The following BET1 variants were observed in gnomAD, a reference collection of about 807,000 sequenced individuals.
BET1 encodes Bet1 golgi vesicular membrane trafficking protein.
Under a neutral mutation model 13.9 loss-of-function variants are expected in BET1, and 9 were observed. That is an observed-to-expected ratio of 0.65 (90% CI 0.39 to 1.13). The LOEUF (loss-of-function observed/expected upper bound fraction) is 1.13. BET1 is among the 50% of genes most tolerant of loss of function. The pLI is 0.01. For synonymous variants in BET1, 39 were observed against 47.3 expected, an observed-to-expected ratio of 0.82 and a Z score of 0.72; for missense variants, 127 against 133.6, an observed-to-expected ratio of 0.95 and a Z score of 0.24.
chr7:93,994,687 A>T (rs1312686173), intron 3 of BET1, among the ~76,000 whole-genome samples: 1 of 152,240 alleles, frequency 6.6e-6, no homozygotes, highest in Admixed American at 6.5e-5. Context: ...GATAAAAAAA[A>T]TTAACAATAA....
intron 1 of BET1, among the ~76,000 whole-genome samples, chr7:94,001,634 C>T (rs1450239538): frequency 2.0e-5 from 3 of 152,200 alleles, no homozygotes; most frequent in African/African-American, 7.2e-5. Flanking sequence ...TTTTTCCGCT[C>T]AGTCAAATAT....
chr7:94,004,139 C>A, intron 1 of BET1, 59 bp downstream of exon 1: 1 of 1,613,196 alleles, frequency 6.2e-7, no homozygotes, highest in Non-Finnish European at 8.5e-7. Flanking sequence ...GATTTCCTCC[C>A]GCGCCCCAGC....
intron 5 of BET1, among the ~76,000 whole-genome samples, chr7:93,975,110 C>T (rs2116046280): frequency 6.6e-6 from 1 of 152,022 alleles, no homozygotes; most frequent in African/African-American, 2.4e-5. Flanking sequence ...TCTGATGTAA[C>T]AGATCAGAGG....
In BET1 at chr7:93,993,657, G is replaced by A. The variant is rs964977021; in HGVS notation, c.*573C>T. ...AAATAACAAGTTTTATTTAAAGAAT[G>A]AGGTCTTTGGGCAGAAAGAAATGAG... On this transcript the variant is annotated 3_prime_UTR_variant, in exon 4 of 4. Coordinates refer to ENST00000222547, the MANE Select transcript of BET1 (RefSeq NM_005868.6). The A allele has an allele frequency of 2.8e-5, 37 of 1,302,786 alleles. No individual in the cohort carries two copies. The Admixed American group carries it at 1.3e-3, about 44-fold the overall frequency. 80.7% of individuals were successfully genotyped at this position (1,302,786 alleles called of 1,614,324 possible). A position where few individuals can be genotyped will look rare whatever the true frequency, so the allele number is the denominator to read the frequency against.
At chr7:93,992,418 T>C (rs1795654393), downstream of BET1, 22 of 985,394 alleles carry the variant, frequency 2.2e-5, no homozygotes, top group Non-Finnish European at 2.7e-5. Context: ...TCTACTTCCA[T>C]TGTTGATTCT....
chr7:93,974,399 T>C (rs1205453231), intron 5 of BET1, among the ~76,000 whole-genome samples: 2 of 151,932 alleles, frequency 1.3e-5, no homozygotes, highest in African/African-American at 4.8e-5. Flanking sequence ...ATATAGTTGA[T>C]TCCAAGGCTG....
chr7:93,969,681 G>A (rs1795228624), intron 6 of BET1: 1 of 151,458 alleles, frequency 6.6e-6, no homozygotes, highest in African/African-American at 2.4e-5. Flanking sequence ...GTATTTTTGT[G>A]CTTATTTCAG....
At chr7:94,002,661 C>T (rs896489050) in intron 1 of BET1, among the ~76,000 whole-genome samples, 7 of 152,116 alleles carry the variant, frequency 4.6e-5, no homozygotes, top group African/African-American at 1.4e-4. Flanking sequence ...CACACTGCAG[C>T]AGGAAAATAC....
chr7:93,999,623 T>C (rs1252733985), intron 1 of BET1: 3 of 459,098 alleles, frequency 6.5e-6, no homozygotes, highest in African/African-American at 2.0e-5. Context: ...AACATATATT[T>C]TAATGAAAGT....
chr7:94,003,231 C>T lies in BET1; in HGVS notation c.19+967G>A, dbSNP rs751010638. On this transcript the variant is annotated intron_variant, in intron 1 of 3. Transcript: ENST00000222547. ...CCCCATTTTCTATGATCTAAGTATT[C>T]ATAAAAACTTCATTAAAAAAACAAA... 1.3e-4 allele frequency among the ~76,000 whole-genome samples: 20 copies of T among 149,648 alleles called. 1 individual carries two copies. Among genetic ancestry groups the T allele is most frequent in the Non-Finnish European group, 1.3e-4 (9 of 67,452 alleles).
intron 6 of BET1, among the ~76,000 whole-genome samples, chr7:93,967,416 T>C (rs1204010277): frequency 1.3e-5 from 2 of 151,830 alleles, no homozygotes; most frequent in East Asian, 3.9e-4. Flanking sequence ...ATCCTTAATA[T>C]AGGGCCATCA....
At chr7:93,997,933 T>C (rs898277745) in intron 2 of BET1, among the ~76,000 whole-genome samples, 11 of 152,200 alleles carry the variant, frequency 7.2e-5, no homozygotes, top group African/African-American at 2.7e-4. Context: ...AATGGTCTTA[T>C]GTTCATAAGA....
At chr7:93,981,383 T>C (rs1035408106) in intron 4 of BET1, among the ~76,000 whole-genome samples, 2 of 152,320 alleles carry the variant, frequency 1.3e-5, no homozygotes, top group Non-Finnish European at 2.9e-5. Flanking sequence ...TAGTGGGTTG[T>C]CTATGAATTC....
In BET1 at chr7:93,993,246, A is replaced by G; in HGVS notation, c.*984T>C. 2 of 958,776 alleles carry G rather than the reference A, an allele frequency of 2.1e-6. No individual in the cohort carries two copies. Among genetic ancestry groups the G allele is most frequent in the Non-Finnish European group, 1.2e-6 (1 of 805,788 alleles). The allele number at this position is 958,776 out of a possible 1,614,324, so 59.4% of individuals were successfully genotyped here. On this transcript the variant is annotated 3_prime_UTR_variant, in exon 4 of 4. Coordinates refer to ENST00000222547, the MANE Select transcript of BET1 (RefSeq NM_005868.6). ...TGTAAAAGAGACTTAAAGAAGTAAC[A>G]CAGTCGACTAATATATTTTATTTAA...
intron 4 of BET1, among the ~76,000 whole-genome samples, chr7:93,985,357 T>A (rs1032091627): frequency 1.3e-5 from 2 of 152,220 alleles, no homozygotes; most frequent in African/African-American, 4.8e-5. Flanking sequence ...GCCAGAATTT[T>A]ATGTGTAACA....
chr7:93,993,466 G>C lies in BET1; in HGVS notation c.*764C>G, dbSNP rs1795684293. 1 of 981,156 alleles carries C rather than the reference G, an allele frequency of 1.0e-6. No homozygotes were observed. Among genetic ancestry groups the C allele is most frequent in the African/African-American group, 1.8e-5 (1 of 57,122 alleles). The allele number at this position is 981,156 out of a possible 1,614,324, so 60.8% of individuals were successfully genotyped here. On this transcript the variant is annotated 3_prime_UTR_variant, in exon 4 of 4. Coordinates refer to ENST00000222547, the MANE Select transcript of BET1 (RefSeq NM_005868.6). Reference sequence around the variant, plus strand: ...GCATACTATTTCCATTTAAAGTTCAGTAATTACTTAACTTCACATTATTCT... The same window carrying C: ...GCATACTATTTCCATTTAAAGTTCACTAATTACTTAACTTCACATTATTCT...
downstream of BET1, among the ~76,000 whole-genome samples, chr7:93,989,318 C>G (rs180907908): frequency 3.5e-4 from 53 of 152,034 alleles, no homozygotes; most frequent in African/African-American, 1.2e-3. Flanking sequence ...CAGGCCGAAG[C>G]AAGTATATTA....
chr7:94,000,109 T>TG (rs1219191000), intron 1 of BET1, among the ~76,000 whole-genome samples: 3 of 142,568 alleles, frequency 2.1e-5, no homozygotes, highest in African/African-American at 8.1e-5. Context: ...TAACTATACT[T>TG]TTTTTTTTTT....
At chr7:93,968,382 G>C (rs776273763) in intron 6 of BET1, 6 of 151,704 alleles carry the variant, frequency 4.0e-5, no homozygotes, top group Admixed American at 6.6e-5. Flanking sequence ...ATCAAGGCAG[G>C]GAAGTAGGAA....
Sources: allele counts gnomAD v4.1 joint callset (sites outside exome capture counted in the v4.1 genomes callset), GRCh38; gene constraint gnomAD v4.1.1; transcripts MANE v1.5; gene names NCBI Gene and HGNC (gene_info 2026-07-23, HGNC 2026-07-21).